The following DYM variants were observed in gnomAD, a reference collection of about 807,000 sequenced individuals.
The protein encoded by DYM is dyggve-Melchior-Clausen syndrome protein.
Under a neutral mutation model 93.1 loss-of-function variants are expected in DYM, and 78 were observed. The observed-to-expected ratio is 0.84, with a 90% CI of 0.70 to 1.01. DYM has a LOEUF of 1.01. Ranked by LOEUF, DYM falls within the 50% of genes least tolerant of loss-of-function variation. DYM has a pLI of 0.00. For missense variants in DYM, 789 were observed against 845.0 expected (o/e 0.93, Z 0.82); for synonymous variants, 321 against 319.7 (o/e 1.00, Z -0.04).
chr18:49,146,818 C>A (rs2085200647), intron 15 of DYM, among the ~76,000 whole-genome samples: 1 of 152,178 alleles, frequency 6.6e-6, no homozygotes, highest in Non-Finnish European at 1.5e-5. Context: ...CTACCAATGA[C>A]CTTCTTCACA....
At position 49,040,907 on chromosome 18, in the gene DYM, T is replaced by C. The variant is rs1408323181; in HGVS notation, c.*3148A>G. On this transcript the variant is annotated 3_prime_UTR_variant, in exon 18 of 18. Coordinates refer to ENST00000675505, the MANE Select transcript of DYM (RefSeq NM_001353214.3). The stretch of plus-strand genomic sequence containing the variant: ...GCTTAAAAGTTTCCCTCACTAAATA[T>C]TTCTCTTGGATGTACCTTAGCAAGC... 6.6e-6 allele frequency among the ~76,000 whole-genome samples: 1 copy of C among 152,244 alleles called. No individual in the cohort carries two copies. The highest frequency in any genetic ancestry group is 2.4e-5 in the African/African-American group (1 of 41,458).
At chr18:49,384,341 A>G (rs944854091) in intron 3 of DYM, among the ~76,000 whole-genome samples, 4 of 150,138 alleles carry the variant, frequency 2.7e-5, no homozygotes, top group African/African-American at 9.8e-5. Context: ...AAAAAAAAAA[A>G]AAGGCTGGGT....
intron 8 of DYM, among the ~76,000 whole-genome samples, chr18:49,288,807 CA>C (rs1023349440): frequency 2.0e-5 from 3 of 150,872 alleles, no homozygotes; most frequent in African/African-American, 7.3e-5. Flanking sequence ...AAAACAAAAA[CA>C]AAAAAAAGTC....
intron 1 of DYM, among the ~76,000 whole-genome samples, chr18:49,455,090 C>T (rs1006306098): frequency 1.1e-4 from 16 of 152,072 alleles, no homozygotes; most frequent in African/African-American, 3.1e-4. Flanking sequence ...TGAGGCTTGA[C>T]GCTTTACAGA....
chr18:49,119,795 A>G (rs568510643), intron 15 of DYM, among the ~76,000 whole-genome samples: 1 of 152,176 alleles, frequency 6.6e-6, no homozygotes. Context: ...AAAATACTAT[A>G]GATATATCAA....
chr18:49,450,328 T>C (rs774752357), intron 1 of DYM, among the ~76,000 whole-genome samples: 1 of 152,238 alleles, frequency 6.6e-6, no homozygotes, highest in Non-Finnish European at 1.5e-5. Context: ...AACTTTCCTA[T>C]GAGGTTTTAT....
intron 13 of DYM, among the ~76,000 whole-genome samples, chr18:49,229,127 C>T (rs2093625465): frequency 8.7e-6 from 1 of 114,580 alleles, no homozygotes; most frequent in South Asian, 3.4e-4. Context: ...AATAATAAAA[C>T]TAATTTTAGA....
intron 1 of DYM, among the ~76,000 whole-genome samples, chr18:49,455,934 G>A (rs1207578874): frequency 3.3e-5 from 5 of 150,498 alleles, no homozygotes; most frequent in Admixed American, 6.6e-5. Context: ...GAGCAACAGA[G>A]TCAGACTGTC....
intron 6 of DYM, among the ~76,000 whole-genome samples, chr18:49,361,532 G>T (rs950328409): frequency 6.6e-6 from 1 of 152,048 alleles, no homozygotes; most frequent in African/African-American, 2.4e-5. Context: ...GATGTAAATT[G>T]GTTCCACAGA....
At chr18:49,456,564 T>C (rs1163578620) in intron 1 of DYM, among the ~76,000 whole-genome samples, 6 of 152,190 alleles carry the variant, frequency 3.9e-5, no homozygotes, top group Admixed American at 2.6e-4. Context: ...TCCAATGTCC[T>C]TATTGGAAAG....
intron 8 of DYM, among the ~76,000 whole-genome samples, chr18:49,291,122 AT>A (rs1244230898): frequency 5.9e-5 from 9 of 152,258 alleles, no homozygotes; most frequent in African/African-American, 1.2e-4. Flanking sequence ...GCATATACAT[AT>A]TTTTTATTAC....
rs1161330075 is a variant in DYM, at chr18:49,292,330, AGG to A, written c.764-5716_764-5715del. Among the ~76,000 whole-genome samples, 6 of 86,388 alleles carry A rather than the reference AGG, an allele frequency of 6.9e-5. No individual in the cohort carries two copies. The East Asian group carries it at 1.3e-3, about 18-fold the overall frequency. The allele number at this position is 86,388 out of a possible 152,430, so 56.7% of individuals were successfully genotyped here. On this transcript the variant is annotated intron_variant, in intron 8 of 17. Coordinates refer to ENST00000675505, the MANE Select transcript of DYM (RefSeq NM_001353214.3). Reference sequence around the variant, plus strand: ...CAGACAGACAGGCAGGCAGGCAGGCAGGCAGGCAGACAGACAGACAGACAGAC... The same window carrying A: ...CAGACAGACAGGCAGGCAGGCAGGCACAGGCAGACAGACAGACAGACAGAC...
Position 49,097,381 on chromosome 18 carries a change from A to T in DYM, c.2025+21T>A. ...CAAGGGACACGGCAGTGTCAAGTGG[A>T]CATTTCTTTAGCCTTCTTACCTTCA... On this transcript the variant is annotated intron_variant, in intron 17 of 17. Coordinates refer to ENST00000675505, the MANE Select transcript of DYM (RefSeq NM_001353214.3). The T allele has an allele frequency of 1.9e-6, 3 of 1,608,778 alleles. No individual in the cohort carries two copies. In the South Asian group the frequency reaches 3.3e-5, roughly 18 times the overall value.
intron 17 of DYM, among the ~76,000 whole-genome samples, chr18:49,095,079 A>G (rs745767790): frequency 6.6e-6 from 1 of 152,212 alleles, no homozygotes; most frequent in Non-Finnish European, 1.5e-5. Context: ...TGAAACTATT[A>G]TTACACACCC....
intron 8 of DYM, among the ~76,000 whole-genome samples, chr18:49,296,263 AT>A (rs1462583416): frequency 6.6e-6 from 1 of 152,118 alleles, no homozygotes. Flanking sequence ...ATGGAAAAAA[AT>A]ATTTGTCTGA....
At chr18:49,441,283 A>ATATATATATAT in intron 1 of DYM, among the ~76,000 whole-genome samples, 1 of 30,566 alleles carries the variant, frequency 3.3e-5, no homozygotes, top group Admixed American at 5.3e-4. Context: ...ATATTATATA[A>ATATATATATAT]TTATATATAA....
intron 8 of DYM, among the ~76,000 whole-genome samples, chr18:49,307,974 C>T (rs2061368432): frequency 6.6e-6 from 1 of 152,188 alleles, no homozygotes; most frequent in South Asian, 2.1e-4. Flanking sequence ...CTCTAGTAGA[C>T]TCCAGCTTTT....
chr18:49,147,001 T>G (rs1168885446), intron 15 of DYM, among the ~76,000 whole-genome samples: 1 of 152,038 alleles, frequency 6.6e-6, no homozygotes, highest in Admixed American at 6.5e-5. Context: ...AACAGAGACA[T>G]AGACCAATGG....
chr18:49,215,782 G>A (rs960237922), intron 13 of DYM, among the ~76,000 whole-genome samples: 5 of 152,360 alleles, frequency 3.3e-5, no homozygotes, highest in South Asian at 2.1e-4. Flanking sequence ...CAAGATGGCC[G>A]AATAGGAACA....
Sources: allele counts gnomAD v4.1 joint callset (sites outside exome capture counted in the v4.1 genomes callset), GRCh38; gene constraint gnomAD v4.1.1; transcripts MANE v1.5; gene names NCBI Gene and HGNC (gene_info 2026-07-23, HGNC 2026-07-21).